SERAC1: variants seen among roughly 807,000 people sequenced by gnomAD.
SERAC1 encodes protein SERAC1.
In SERAC1, 36 loss-of-function variants were observed where a neutral mutation model predicts 85.7. The ratio of observed to expected loss-of-function variants is 0.42; its 90% CI spans 0.32 to 0.55. The LOEUF (loss-of-function observed/expected upper bound fraction) is 0.55, where lower values mean the gene tolerates loss of function less well. Among genes scored for constraint, SERAC1 ranks in the 20% least tolerant of loss-of-function variants. The probability of loss-of-function intolerance (pLI) is 0.11; values close to 1 mark genes in which losing one functional copy is unlikely to be tolerated. For missense variants in SERAC1, 629 were observed against 796.2 expected (o/e 0.79, Z 2.53); for synonymous variants, 242 against 265.3 (o/e 0.91, Z 0.85).
rs748359941 is a variant in SERAC1 at position 158,113,574 on chromosome 6, G to A, written c.1703C>T (p.Thr568Ile). The change falls in exon 16 of 17, where the codon ACA becomes ATA. Residue 568 changes from threonine to isoleucine, a missense_variant. Physicochemically the swap from Thr to Ile is moderately conservative, Grantham distance 89. Coordinates refer to ENST00000647468, the MANE Select transcript of SERAC1 (RefSeq NM_032861.4). ...ELSKDSPALK[T>I]LQDDFLEFAK... ...AAACTCCAGAAAGTCATCTTGTAGT[G>A]TTTTAAGTGCAGGAGAATCTGTAAA... 1 of 1,613,804 alleles carries A rather than the reference G, an allele frequency of 6.2e-7. No homozygotes were observed. Among genetic ancestry groups the A allele is most frequent in the South Asian group, 1.1e-5 (1 of 91,042 alleles).
chr6:158,149,089 ACCCC>A, intron 4 of SERAC1, 135 bp from the exon 5 acceptor site: 1 of 584,194 alleles, frequency 1.7e-6, no homozygotes, highest in Non-Finnish European at 2.9e-6. Flanking sequence ...TCCCGGGTTC[ACCCC>A]ATTCTCCTGC....
At chr6:158,111,594 A>T in intron 16 of SERAC1, 92 bp from the exon 17 acceptor site, 1 of 1,006,514 alleles carries the variant, frequency 9.9e-7, no homozygotes, top group Non-Finnish European at 1.4e-6. Context: ...AGTTCTAGAC[A>T]TTGCTTTGGT....
intron 16 of SERAC1, chr6:158,112,913 G>C (rs1398653663): frequency 6.6e-6 from 1 of 150,588 alleles, no homozygotes; most frequent in African/African-American, 2.5e-5. Context: ...CTCCCTCAAA[G>C]AATCTATAAT....
intron 3 of SERAC1, among the ~76,000 whole-genome samples, chr6:158,151,453 A>G (rs1353851089): frequency 6.6e-6 from 1 of 151,194 alleles, no homozygotes; most frequent in African/African-American, 2.4e-5. Context: ...GTGGAGTCTC[A>G]CTCTGTCACC....
chr6:158,128,560 T>C (rs1784599603), intron 9 of SERAC1, among the ~76,000 whole-genome samples: 1 of 152,226 alleles, frequency 6.6e-6, no homozygotes, highest in Non-Finnish European at 1.5e-5. Flanking sequence ...ACAATGTCAT[T>C]ATTACAAAAT....
chr6:158,166,234 T>C (rs1027312684), intron 1 of SERAC1: 1 of 152,176 alleles, frequency 6.6e-6, no homozygotes, highest in African/African-American at 2.4e-5. Flanking sequence ...CAACCATATA[T>C]TTCATCATCC....
chr6:158,126,703 G>GA (rs1196802124), intron 10 of SERAC1, among the ~76,000 whole-genome samples: 1 of 152,178 alleles, frequency 6.6e-6, no homozygotes, highest in Non-Finnish European at 1.5e-5. Flanking sequence ...TTGCAAGAGG[G>GA]AAAATCATTA....
Position 158,117,870 on chromosome 6 carries a change from G to C in SERAC1, c.1309-49C>G, listed in dbSNP as rs372534700. 228 of 1,395,206 alleles carry C rather than the reference G, an allele frequency of 1.6e-4. No individual in the cohort carries two copies. Among genetic ancestry groups the C allele is most frequent in the Non-Finnish European group, 2.2e-4 (219 of 987,938 alleles). The allele number at this position is 1,395,206 out of a possible 1,614,324, so 86.4% of individuals were successfully genotyped here. On this transcript the variant is annotated intron_variant, in intron 12 of 16. Coordinates refer to ENST00000647468, the MANE Select transcript of SERAC1 (RefSeq NM_032861.4). This position sits in a 1 kb window ranked among gnomAD's most constrained non-coding sequence, Gnocchi z 4.3. ...AGAACAAGTATGAATCTTCACCACTGCAATTACTGCCTAGTAAATCAAATT... is the reference window on the plus strand; with the variant it reads ...AGAACAAGTATGAATCTTCACCACTCCAATTACTGCCTAGTAAATCAAATT...
chr6:158,140,846 C>T (rs761230118), intron 8 of SERAC1, among the ~76,000 whole-genome samples: 109 of 151,920 alleles, frequency 7.2e-4, no homozygotes, highest in Non-Finnish European at 1.4e-3. Flanking sequence ...AAAAACCCTC[C>T]ACACTCCTGG....
At chr6:158,158,834 A>G (rs184691541) in intron 1 of SERAC1, 1 of 152,630 alleles carries the variant, frequency 6.6e-6, no homozygotes, top group Admixed American at 6.5e-5. Context: ...CCATAGAAGC[A>G]TTTAGCTTTT....
chr6:158,111,249 GA>G lies in SERAC1; in HGVS notation c.*116del, dbSNP rs552627077. 64 of 1,005,140 alleles carry G rather than the reference GA, an allele frequency of 6.4e-5. No homozygotes were observed. In the African/African-American group the frequency reaches 9.9e-4, roughly 16 times the overall value. The allele number at this position is 1,005,140 out of a possible 1,614,324, so 62.3% of individuals were successfully genotyped here. ...GTTCTGTAGTCTGCAACACACTCCA[GA>G]CCATGTTGACGCTATGATCACTATG... On this transcript the variant is annotated 3_prime_UTR_variant, in exon 17 of 17. Transcript: ENST00000647468.
intron 1 of SERAC1, among the ~76,000 whole-genome samples, chr6:158,165,602 T>C (rs1785581198): frequency 1.3e-5 from 2 of 152,182 alleles, no homozygotes; most frequent in East Asian, 1.9e-4. Flanking sequence ...AATTCTTTAC[T>C]TTTTCTCCCC....
intron 8 of SERAC1, among the ~76,000 whole-genome samples, chr6:158,141,922 A>G (rs1784926221): frequency 6.6e-6 from 1 of 152,218 alleles, no homozygotes; most frequent in African/African-American, 2.4e-5. Flanking sequence ...CTAATTTCTC[A>G]CAAAAGGGAA....
rs2128411340 is a variant in SERAC1, at chr6:158,117,232, G to C, written c.1403+495C>G. The C allele has an allele frequency of 4.7e-6, 2 of 423,744 alleles. No homozygotes were observed. The highest frequency in any genetic ancestry group is 8.1e-5 in the East Asian group (2 of 24,586). The allele number at this position is 423,744 out of a possible 1,614,324, so 26.2% of individuals were successfully genotyped here. A position where few individuals can be genotyped will look rare whatever the true frequency, so the allele number is the denominator to read the frequency against. ...GCTTCCCGGAAAAGTTAACTGACTG[G>C]TCTAAGACTGCACAGCAAATCAAAG... is the stretch of plus-strand genomic sequence containing the variant. On this transcript the variant is annotated intron_variant, in intron 13 of 16. Transcript: ENST00000647468. This position sits in a 1 kb window ranked among gnomAD's most constrained non-coding sequence, Gnocchi z 4.3.
At chr6:158,145,111 G>T (rs1169194249) in intron 6 of SERAC1, among the ~76,000 whole-genome samples, 4 of 152,162 alleles carry the variant, frequency 2.6e-5, no homozygotes, top group Admixed American at 2.6e-4. Context: ...AGGCGTGGTG[G>T]CAGGCACCTG....
chr6:158,120,675 C>G lies in SERAC1; in HGVS notation c.1016-100G>C, dbSNP rs114695724. 1 of 1,283,840 alleles carries G rather than the reference C, an allele frequency of 7.8e-7. No individual in the cohort carries two copies. The highest frequency in any genetic ancestry group is 2.4e-5 in the Admixed American group (1 of 41,268). 79.5% of individuals were successfully genotyped at this position (1,283,840 alleles called of 1,614,324 possible). On this transcript the variant is annotated intron_variant, in intron 10 of 16. Transcript: ENST00000647468. This position sits in a 1 kb window ranked among gnomAD's most constrained non-coding sequence, Gnocchi z 4.4. ...TGAATATGATGGGAGAAAGGCAAAC[C>G]TTGCGTGTCTGTCCTTGGCGGAGAA...
At position 158,116,258 on chromosome 6, in the gene SERAC1, G is replaced by A. The variant is rs774371194; in HGVS notation, c.1428C>T (p.Asn476=). The change falls in exon 14 of 17, where the codon AAC becomes AAT. Residue 476 remains asparagine, a synonymous_variant. Coordinates refer to ENST00000647468, the MANE Select transcript of SERAC1 (RefSeq NM_032861.4). The part of the protein sequence containing the change: ...MERKSIAFRS[N]ELLRKLRAAG... ...CAGCTCTGAGCTTCCTAAGAAGTTCGTTGCTTCTGAATGCAATGGACTTTC... is the reference window on the plus strand; with the variant it reads ...CAGCTCTGAGCTTCCTAAGAAGTTCATTGCTTCTGAATGCAATGGACTTTC... The A allele has an allele frequency of 3.1e-5, 50 of 1,613,900 alleles. No individual in the cohort carries two copies. The highest frequency in any genetic ancestry group is 3.9e-5 in the Non-Finnish European group (46 of 1,179,952).
At position 158,117,185 on chromosome 6, in the gene SERAC1, A is replaced by T. The variant is rs1784308783; in HGVS notation, c.1403+542T>A. The T allele has an allele frequency of 4.2e-6, 1 of 238,936 alleles. No individual in the cohort carries two copies. The highest frequency in any genetic ancestry group is 8.3e-5 in the East Asian group (1 of 12,094). The allele number at this position is 238,936 out of a possible 1,614,324, so 14.8% of individuals were successfully genotyped here. A position where few individuals can be genotyped will look rare whatever the true frequency, so the allele number is the denominator to read the frequency against. Reference sequence around the variant, plus strand: ...AGTTTGATAACACTGATTTAGACCAACTCTGTCAATCTGTAGACAAAGCTT... The same window carrying T: ...AGTTTGATAACACTGATTTAGACCATCTCTGTCAATCTGTAGACAAAGCTT... On this transcript the variant is annotated intron_variant, in intron 13 of 16. Coordinates refer to ENST00000647468, the MANE Select transcript of SERAC1 (RefSeq NM_032861.4). The surrounding 1 kb of genome is among the most constrained non-coding windows in gnomAD (Gnocchi z 4.3).
chr6:158,143,204 A>C lies in SERAC1; in HGVS notation c.610-20T>G, dbSNP rs373432143. 6.2e-7 allele frequency: 1 copy of C among 1,607,980 alleles called. No individual in the cohort carries two copies. The highest frequency in any genetic ancestry group is 1.3e-5 in the African/African-American group (1 of 74,544). Reference sequence around the variant, plus strand: ...AGAATCCTGAAATAAAAGGAAAGGAAATTCTTCATAAATACTCAACAACTG... The same window carrying C: ...AGAATCCTGAAATAAAAGGAAAGGACATTCTTCATAAATACTCAACAACTG... On this transcript the variant is annotated intron_variant, in intron 7 of 16. Transcript: ENST00000647468.
Sources: allele counts gnomAD v4.1 joint callset (sites outside exome capture counted in the v4.1 genomes callset), GRCh38; gene constraint gnomAD v4.1.1; non-coding constraint Gnocchi (gnomAD v3.1); transcripts MANE v1.5; gene names NCBI Gene and HGNC (gene_info 2026-07-23, HGNC 2026-07-21).